Variants in MAP7 observed in about 807,000 individuals in gnomAD.
MAP7 encodes microtubule associated protein 7.
Under a neutral mutation model 94.8 loss-of-function variants are expected in MAP7, and 52 were observed. That is an observed-to-expected ratio of 0.55 (90% CI 0.44 to 0.69). The LOEUF (loss-of-function observed/expected upper bound fraction) is 0.69. Ranked by LOEUF, MAP7 falls within the 30% of genes least tolerant of loss-of-function variation. The probability of loss-of-function intolerance (pLI) is 0.00; values close to 1 mark genes in which losing one functional copy is unlikely to be tolerated. For missense variants in MAP7, 940 were observed against 964.6 expected, an observed-to-expected ratio of 0.97 and a Z score of 0.34; for synonymous variants, 350 against 357.0, an observed-to-expected ratio of 0.98 and a Z score of 0.22.
intron 16 of MAP7, among the ~76,000 whole-genome samples, chr6:136,346,526 C>T (rs1787748274): frequency 6.6e-6 from 1 of 152,190 alleles, no homozygotes; most frequent in African/African-American, 2.4e-5. Flanking sequence ...GGCACCACTG[C>T]ATTCCAGCCT....
chr6:136,448,915 C>T (rs1206970357), intron 1 of MAP7, among the ~76,000 whole-genome samples: 1 of 151,744 alleles, frequency 6.6e-6, no homozygotes, highest in Admixed American at 6.6e-5. Context: ...TAGAAGAATT[C>T]TTCCCCCATC....
chr6:136,548,262 AACTT>A (rs1829886025), intron 1 of MAP7, among the ~76,000 whole-genome samples: 1 of 152,202 alleles, frequency 6.6e-6, no homozygotes. Flanking sequence ...TATATGGAAT[AACTT>A]AAGTTGTTGA....
intron 1 of MAP7, among the ~76,000 whole-genome samples, chr6:136,488,872 T>C (rs1231429388): frequency 6.6e-6 from 1 of 152,126 alleles, no homozygotes; most frequent in Non-Finnish European, 1.5e-5. Context: ...AAACAGACAA[T>C]GCTTACCCTC....
intron 1 of MAP7, among the ~76,000 whole-genome samples, chr6:136,523,123 A>G (rs1345986167): frequency 6.6e-6 from 1 of 152,224 alleles, no homozygotes; most frequent in African/African-American, 2.4e-5. Context: ...AGTGACTGGT[A>G]ATAATAATAA....
intron 1 of MAP7, among the ~76,000 whole-genome samples, chr6:136,510,696 A>G (rs1043137258): frequency 6.6e-6 from 1 of 151,958 alleles, no homozygotes; most frequent in Non-Finnish European, 1.5e-5. Context: ...GAGCGACCAT[A>G]CTCATATAAC....
chr6:136,363,634 C>T (rs1353345919), intron 10 of MAP7, among the ~76,000 whole-genome samples: 1 of 152,170 alleles, frequency 6.6e-6, no homozygotes, highest in East Asian at 1.9e-4. Flanking sequence ...TGAATGAAGA[C>T]AATTCTCAAC....
At chr6:136,475,260 T>C (rs1810493807) in intron 1 of MAP7, among the ~76,000 whole-genome samples, 1 of 152,254 alleles carries the variant, frequency 6.6e-6, no homozygotes, top group Non-Finnish European at 1.5e-5. Context: ...CAATTTACTC[T>C]CTTACCAACA....
chr6:136,469,258 G>A (rs1258002944), intron 1 of MAP7, among the ~76,000 whole-genome samples: 1 of 151,882 alleles, frequency 6.6e-6, no homozygotes. Context: ...TTATCACCCC[G>A]CTTTTGGTTT....
intron 5 of MAP7, among the ~76,000 whole-genome samples, chr6:136,388,034 T>C (rs897273989): frequency 7.2e-5 from 11 of 152,180 alleles, no homozygotes; most frequent in Non-Finnish European, 1.3e-4. Context: ...ATAACTATAA[T>C]CCTTCCAGAG....
chr6:136,442,584 G>A (rs1798198867), intron 1 of MAP7, among the ~76,000 whole-genome samples: 2 of 152,074 alleles, frequency 1.3e-5, no homozygotes, highest in Admixed American at 1.3e-4. Context: ...GAGGCATTAG[G>A]CTCAGCTGTG....
At chr6:136,452,927 A>C (rs1259971617) in intron 1 of MAP7, among the ~76,000 whole-genome samples, 1 of 152,160 alleles carries the variant, frequency 6.6e-6, no homozygotes, top group Non-Finnish European at 1.5e-5. Context: ...TATAGTGTAA[A>C]TATAATTTTT....
Position 136,362,878 on chromosome 6 carries a change from T to C in MAP7, c.1274-176A>G, listed in dbSNP as rs141942754. On this transcript the variant is annotated intron_variant, in intron 10 of 17. Coordinates refer to ENST00000354570, the MANE Select transcript of MAP7 (RefSeq NM_003980.6). ...GTTCTATCTGTAACCAAGCAACAGA[T>C]AAAAAAAATCAGTATGTGTAAGTAA... is the stretch of plus-strand genomic sequence containing the variant. 6.6e-3 allele frequency among the ~76,000 whole-genome samples: 1,003 copies of C among 152,190 alleles called. 28 individuals are homozygous for C. Among genetic ancestry groups the C allele is most frequent in the Admixed American group, 0.053 (808 of 15,292 alleles).
chr6:136,525,692 A>ACC (rs1827623731), intron 1 of MAP7: 3 of 831,028 alleles, frequency 3.6e-6, no homozygotes, highest in Non-Finnish European at 3.6e-6. Context: ...GGGTATAAAC[A>ACC]CTACCAGCAA....
chr6:136,359,848 T>A lies in MAP7; in HGVS notation c.1884A>T (p.Ile628=), dbSNP rs924529924. 2 of 1,613,400 alleles carry A rather than the reference T, an allele frequency of 1.2e-6. No homozygotes were observed. Among genetic ancestry groups the A allele is most frequent in the African/African-American group, 2.7e-5 (2 of 74,904 alleles). The change falls in exon 15 of 18, where the codon ATA becomes ATT. Residue 628 remains isoleucine, a synonymous_variant. Transcript: ENST00000354570. ...KKTSDQRNGD[I]AKGALTGGTE... is the part of the protein sequence containing the mutation. Reference sequence around the variant, plus strand: ...TTCCTCCAGTGAGAGCTCCCTTGGCTATATCACCGTTTCTCTGATCACTGG... The same window carrying A: ...TTCCTCCAGTGAGAGCTCCCTTGGCAATATCACCGTTTCTCTGATCACTGG...
At position 136,346,044 on chromosome 6, in the gene MAP7, C is replaced by T. The variant is rs1366073225; in HGVS notation, c.2051G>A (p.Gly684Asp). The T allele has an allele frequency of 5.6e-6, 9 of 1,612,962 alleles. No individual in the cohort carries two copies. Among genetic ancestry groups the T allele is most frequent in the African/African-American group, 1.3e-5 (1 of 74,948 alleles). Residue 684 changes from glycine to aspartate, a missense_variant, in exon 17 of 18, where the codon GGT becomes GAT. Physicochemically the swap from Gly to Asp is moderately conservative, Grantham distance 94. Coordinates refer to ENST00000354570, the MANE Select transcript of MAP7 (RefSeq NM_003980.6). Reference protein sequence around the residue: ...PDLEKQPNENGVSVQNENFEE... With the variant: ...PDLEKQPNENDVSVQNENFEE... Reference sequence around the variant, plus strand: ...AAAATTTTCATTCTGAACAGATACACCATTTTCATTTGGTTGTTTTTCCAA... The same window carrying T: ...AAAATTTTCATTCTGAACAGATACATCATTTTCATTTGGTTGTTTTTCCAA...
At chr6:136,346,136 A>G in intron 16 of MAP7, 57 bp from the exon 17 acceptor site, 3 of 1,082,038 alleles carry the variant, frequency 2.8e-6, no homozygotes, top group Non-Finnish European at 4.0e-6. Flanking sequence ...TGGAAAACAC[A>G]TTATTAGGAA....
chr6:136,397,154 A>G (rs988047978), intron 3 of MAP7, among the ~76,000 whole-genome samples: 2 of 152,228 alleles, frequency 1.3e-5, no homozygotes, highest in African/African-American at 4.8e-5. Flanking sequence ...CATGCTAGTG[A>G]GTGCAAACTT....
chr6:136,515,022 A>G (rs753429996), intron 1 of MAP7, among the ~76,000 whole-genome samples: 3 of 152,220 alleles, frequency 2.0e-5, no homozygotes, highest in Non-Finnish European at 4.4e-5. Context: ...ATCTCCATTG[A>G]AACTCTGTTG....
chr6:136,425,268 C>T (rs952819720), intron 1 of MAP7, among the ~76,000 whole-genome samples: 6 of 152,150 alleles, frequency 3.9e-5, no homozygotes, highest in African/African-American at 9.7e-5. Context: ...TAACTGAAAC[C>T]TCAAAAAGCG....
Sources: gnomAD v4.1 joint callset for allele counts (sites outside exome capture counted in the v4.1 genomes callset) on GRCh38, gnomAD v4.1.1 for gene constraint, MANE v1.5 for transcripts, NCBI Gene and HGNC (gene_info 2026-07-23, HGNC 2026-07-21) for gene names.